Variants in MEIG1 observed in about 807,000 individuals in gnomAD.
MEIG1 encodes the protein meiosis/spermiogenesis associated 1.
Under a neutral mutation model 11.3 loss-of-function variants are expected in MEIG1, and 12 were observed. That is an observed-to-expected ratio of 1.07 (90% confidence interval 0.68 to 1.73). The LOEUF (loss-of-function observed/expected upper bound fraction) is 1.73, where lower values mean the gene tolerates loss of function less well. MEIG1 is among the 40% of genes most tolerant of loss of function. MEIG1 has a pLI of 0.00. For missense variants in MEIG1, 119 were observed against 104.9 expected, an observed-to-expected ratio of 1.13 and a Z score of -0.59; for synonymous variants, 41 against 33.2, an observed-to-expected ratio of 1.24 and a Z score of -0.81.
chr10:14,987,014 G>A (rs1230603827), exon 2 of MEIG1: 8 of 642,708 alleles, frequency 1.2e-5, no homozygotes, highest in African/African-American at 9.3e-5. Context: ...AAGACACAGA[G>A]GTGAGGATTC....
rs1843168433 is a variant in MEIG1 at position 14,972,857 on chromosome 10, C to T, written c.*216C>T. 2.6e-6 allele frequency: 1 copy of T among 386,846 alleles called. No homozygotes were observed. The highest frequency in any genetic ancestry group is 4.6e-6 in the Non-Finnish European group (1 of 215,634). 24.0% of individuals were successfully genotyped at this position (386,846 alleles called of 1,614,324 possible). ...TTAAAGTTGTACTTTCTTGGTCCTG[C>T]TCTTTTTGTCCATTTTATTTTATTT... is the stretch of plus-strand genomic sequence containing the variant. On this transcript the variant is annotated 3_prime_UTR_variant, in exon 3 of 3. Coordinates refer to ENST00000407572, the MANE Select transcript of MEIG1 (RefSeq NM_001080836.3).
intron 1 of MEIG1, among the ~76,000 whole-genome samples, chr10:14,984,472 G>T (rs1433300789): frequency 6.6e-6 from 1 of 152,084 alleles, no homozygotes; most frequent in African/African-American, 2.4e-5. Context: ...CAGTATCCTA[G>T]CGGGACATTA....
At chr10:14,967,926 G>T (rs1422184711) in intron 2 of MEIG1, among the ~76,000 whole-genome samples, 17 of 152,002 alleles carry the variant, frequency 1.1e-4, no homozygotes, top group Non-Finnish European at 5.9e-5. Context: ...CAAATTTTTT[G>T]AAAACAATCC....
At chr10:14,983,571 T>C (rs908261278) in intron 1 of MEIG1, among the ~76,000 whole-genome samples, 1 of 151,958 alleles carries the variant, frequency 6.6e-6, no homozygotes, top group African/African-American at 2.4e-5. Context: ...GTTCTTAATA[T>C]TCAAAGGTGG....
chr10:14,967,359 C>G (rs903909933), intron 2 of MEIG1, among the ~76,000 whole-genome samples: 1 of 152,024 alleles, frequency 6.6e-6, no homozygotes, highest in Non-Finnish European at 1.5e-5. Context: ...TAGAACAACT[C>G]GTGACTTTGA....
At chr10:14,983,546 C>A (rs1462773048) in intron 1 of MEIG1, among the ~76,000 whole-genome samples, 1 of 151,844 alleles carries the variant, frequency 6.6e-6, no homozygotes, top group Non-Finnish European at 1.5e-5. Context: ...GGGTGTACAT[C>A]CAGTCTGTGC....
At chr10:14,985,437 A>G (rs1366227996) in intron 1 of MEIG1, among the ~76,000 whole-genome samples, 1 of 152,014 alleles carries the variant, frequency 6.6e-6, no homozygotes, top group Non-Finnish European at 1.5e-5. Flanking sequence ...GTTACTCCTA[A>G]TGTCATATGG....
chr10:14,960,756 G>A (rs1039686953), intron 1 of MEIG1, among the ~76,000 whole-genome samples: 12 of 151,966 alleles, frequency 7.9e-5, no homozygotes, highest in African/African-American at 2.9e-4. Flanking sequence ...GCCGGGCGTG[G>A]TGGCTCACCC....
chr10:14,972,480 T>C, intron 2 of MEIG1, 33 bp from the exon 3 acceptor site: 1 of 1,613,326 alleles, frequency 6.2e-7, no homozygotes, highest in Non-Finnish European at 8.5e-7. Flanking sequence ...AACCCTCCAT[T>C]GTAACGTTTG....
upstream of MEIG1, among the ~76,000 whole-genome samples, chr10:14,958,009 T>A (rs550652585): frequency 1.3e-5 from 2 of 152,114 alleles, no homozygotes; most frequent in Admixed American, 1.3e-4. Context: ...AGAGGGGGCA[T>A]AGAGAGCTGT....
At chr10:14,980,678 T>G (rs541028693) in intron 1 of MEIG1, among the ~76,000 whole-genome samples, 24 of 152,046 alleles carry the variant, frequency 1.6e-4, no homozygotes, top group Non-Finnish European at 2.4e-4. Context: ...AGCCTATGTC[T>G]CTGGTTGGAA....
At chr10:14,965,898 A>G (rs557653700) in intron 1 of MEIG1, among the ~76,000 whole-genome samples, 2 of 152,096 alleles carry the variant, frequency 1.3e-5, no homozygotes, top group South Asian at 2.1e-4. Context: ...ACAGTTTTGT[A>G]TGTATCTTTC....
chr10:14,985,689 C>T (rs1843311761), intron 1 of MEIG1, among the ~76,000 whole-genome samples: 1 of 151,922 alleles, frequency 6.6e-6, no homozygotes, highest in South Asian at 2.1e-4. Flanking sequence ...CAAAATGTCA[C>T]AGAAGGTGTA....
At chr10:14,983,089 T>A (rs1329905806) in intron 1 of MEIG1, among the ~76,000 whole-genome samples, 1 of 152,084 alleles carries the variant, frequency 6.6e-6, no homozygotes, top group Non-Finnish European at 1.5e-5. Flanking sequence ...TACACCCACC[T>A]GTGATATTGC....
chr10:14,974,282 C>T (rs929165937), downstream of MEIG1, among the ~76,000 whole-genome samples: 54 of 152,252 alleles, frequency 3.5e-4, no homozygotes, highest in African/African-American at 1.1e-3. Flanking sequence ...GAGCCCTCTC[C>T]GCCTTTCATC....
At chr10:14,958,888 T>A (rs1459758386), upstream of MEIG1, among the ~76,000 whole-genome samples, 9 of 151,706 alleles carry the variant, frequency 5.9e-5, no homozygotes, top group Non-Finnish European at 1.3e-4. Flanking sequence ...GGAGCGAGAC[T>A]CCGTCTAAAA....
intron 2 of MEIG1, among the ~76,000 whole-genome samples, chr10:14,967,612 C>A (rs1043878062): frequency 5.3e-5 from 8 of 151,036 alleles, no homozygotes; most frequent in Non-Finnish European, 7.4e-5. Context: ...TCAAGTGATT[C>A]TTAAGAGACG....
intron 2 of MEIG1, among the ~76,000 whole-genome samples, chr10:14,967,814 TATG>T (rs1843104228): frequency 7.3e-6 from 1 of 136,718 alleles, no homozygotes; most frequent in Non-Finnish European, 1.6e-5. Flanking sequence ...TGATATATTT[TATG>T]CATTCATGAC....
chr10:14,959,868 G>A (rs1218709649), intron 1 of MEIG1, among the ~76,000 whole-genome samples: 3 of 152,218 alleles, frequency 2.0e-5, no homozygotes, highest in African/African-American at 7.2e-5. Flanking sequence ...TTGGAATACT[G>A]TGTTTTGTCC....
Sources: gnomAD v4.1 joint callset for allele counts (sites outside exome capture counted in the v4.1 genomes callset) on GRCh38, gnomAD v4.1.1 for gene constraint, MANE v1.5 for transcripts, NCBI Gene and HGNC (gene_info 2026-07-23, HGNC 2026-07-21) for gene names.